DIAPH3: variants seen among roughly 807,000 people sequenced by gnomAD.
DIAPH3 encodes protein diaphanous homolog 3.
A neutral mutation model predicts 144.3 loss-of-function variants in DIAPH3; 117 were observed. The ratio of observed to expected loss-of-function variants is 0.81; its 90% confidence interval spans 0.70 to 0.95. The LOEUF (loss-of-function observed/expected upper bound fraction) is 0.95, where lower values mean the gene tolerates loss of function less well. Ranked by LOEUF, DIAPH3 falls within the 40% of genes least tolerant of loss-of-function variation. The probability of loss-of-function intolerance (pLI) is 0.00; values close to 1 mark genes in which losing one functional copy is unlikely to be tolerated. For synonymous variants in DIAPH3, 519 were observed against 488.9 expected (o/e 1.06, Z -0.81); for missense variants, 1,421 against 1,412.7 (o/e 1.01, Z -0.09).
chr13:59,967,169 C>T (rs528204041), intron 17 of DIAPH3, among the ~76,000 whole-genome samples: 17 of 151,964 alleles, frequency 1.1e-4, no homozygotes, highest in African/African-American at 3.1e-4. Flanking sequence ...CAGGTTCAAG[C>T]GATTCTCATG....
intron 1 of DIAPH3, among the ~76,000 whole-genome samples, chr13:60,157,730 G>C (rs1294420158): frequency 6.6e-6 from 1 of 152,150 alleles, no homozygotes; most frequent in Non-Finnish European, 1.5e-5. Flanking sequence ...CTTCTGAGAA[G>C]TATTGCTTTT....
chr13:60,139,005 T>C (rs968036417), intron 1 of DIAPH3, among the ~76,000 whole-genome samples: 1 of 152,198 alleles, frequency 6.6e-6, no homozygotes, highest in African/African-American at 2.4e-5. Flanking sequence ...TGATAACATT[T>C]CTAGCCCACA....
At chr13:59,816,345 T>A (rs1156616298) in intron 24 of DIAPH3, among the ~76,000 whole-genome samples, 1 of 151,966 alleles carries the variant, frequency 6.6e-6, no homozygotes. Flanking sequence ...CTATTCATGC[T>A]TTCTATTTCT....
chr13:59,825,152 G>T (rs1368532221), intron 24 of DIAPH3, among the ~76,000 whole-genome samples: 1 of 151,764 alleles, frequency 6.6e-6, no homozygotes, highest in African/African-American at 2.4e-5. Flanking sequence ...TCGTCATTTA[G>T]CATTAGGTAT....
chr13:59,796,100 C>A (rs1047138074), intron 25 of DIAPH3, among the ~76,000 whole-genome samples: 4 of 152,248 alleles, frequency 2.6e-5, no homozygotes, highest in Middle Eastern at 6.8e-3. Flanking sequence ...CCTATTCCTG[C>A]GGATAACTGA....
At chr13:59,798,070 T>C (rs2039705919) in intron 25 of DIAPH3, among the ~76,000 whole-genome samples, 1 of 152,140 alleles carries the variant, frequency 6.6e-6, no homozygotes, top group Admixed American at 6.5e-5. Context: ...TCATGAAGTA[T>C]TCTCCCTGTC....
intron 22 of DIAPH3, among the ~76,000 whole-genome samples, chr13:59,859,505 C>T (rs182542758): frequency 6.6e-6 from 1 of 152,148 alleles, no homozygotes; most frequent in Admixed American, 6.5e-5. Context: ...ACAGCAAAAC[C>T]TGCTAAACAA....
chr13:59,951,540 A>G lies in DIAPH3; in HGVS notation c.2074+18404T>C, dbSNP rs575111241. Among the ~76,000 whole-genome samples, 5 of 152,274 alleles carry G rather than the reference A, an allele frequency of 3.3e-5. No individual in the cohort carries two copies. The East Asian group carries it at 9.6e-4, about 29-fold the overall frequency. On this transcript the variant is annotated intron_variant, in intron 17 of 27. Transcript: ENST00000400324. ...ATGTAAAATTGCAAGCTTCTCAGTC[A>G]TATTTATGAATCTTCTGCCATCATT...
intron 4 of DIAPH3, among the ~76,000 whole-genome samples, chr13:60,075,207 G>C (rs759995068): frequency 6.6e-6 from 1 of 152,092 alleles, no homozygotes; most frequent in Non-Finnish European, 1.5e-5. Context: ...TTTTCATGTG[G>C]ATGTATGACA....
At chr13:59,717,139 G>GA (rs1335211527) in intron 27 of DIAPH3, among the ~76,000 whole-genome samples, 2 of 151,970 alleles carry the variant, frequency 1.3e-5, no homozygotes, top group Admixed American at 6.5e-5. Context: ...GTTGACATTA[G>GA]AAAAAAATTA....
At chr13:59,701,538 T>G (rs2034115991) in intron 27 of DIAPH3, among the ~76,000 whole-genome samples, 1 of 152,232 alleles carries the variant, frequency 6.6e-6, no homozygotes, top group Non-Finnish European at 1.5e-5. Context: ...AGGTCAGAGT[T>G]CATAGCTGAA....
rs150700659 is a variant in DIAPH3, at chr13:59,733,212, A to G, written c.3319+40977T>C. ...CTGAATTATAGGCAATTTTATCCAAAGGAGACTATTAAAAAGTGTTTAACA... is the reference window on the plus strand; with the variant it reads ...CTGAATTATAGGCAATTTTATCCAAGGGAGACTATTAAAAAGTGTTTAACA... On this transcript the variant is annotated intron_variant, in intron 27 of 27. Coordinates refer to ENST00000400324, the MANE Select transcript of DIAPH3 (RefSeq NM_001042517.2). Among the ~76,000 whole-genome samples the G allele has an allele frequency of 3.3e-3, 510 of 152,330 alleles. 2 individuals are homozygous for G. Among genetic ancestry groups the G allele is most frequent in the East Asian group, 0.016 (83 of 5,186 alleles).
chr13:60,146,841 T>C (rs1000914239), intron 1 of DIAPH3, among the ~76,000 whole-genome samples: 2 of 152,196 alleles, frequency 1.3e-5, no homozygotes, highest in African/African-American at 2.4e-5. Flanking sequence ...CAGCAGCTGA[T>C]AGCCACAGGT....
chr13:59,975,847 C>A (rs1344883552), intron 14 of DIAPH3, among the ~76,000 whole-genome samples: 1 of 151,966 alleles, frequency 6.6e-6, no homozygotes, highest in Non-Finnish European at 1.5e-5. Flanking sequence ...GCCACAGCAA[C>A]ACTACCATTC....
At chr13:60,063,682 T>G (rs2056852120) in intron 4 of DIAPH3, among the ~76,000 whole-genome samples, 1 of 152,160 alleles carries the variant, frequency 6.6e-6, no homozygotes, top group African/African-American at 2.4e-5. Flanking sequence ...ATCACAGCAC[T>G]TTGGGAGGCC....
At chr13:59,878,657 GA>G (rs375623541) in intron 21 of DIAPH3, among the ~76,000 whole-genome samples, 2 of 151,276 alleles carry the variant, frequency 1.3e-5, no homozygotes, top group African/African-American at 2.4e-5. Flanking sequence ...AGACACAGGA[GA>G]AAAAAAAGGC....
At chr13:59,877,294 T>A (rs1197194928) in intron 21 of DIAPH3, among the ~76,000 whole-genome samples, 1 of 152,088 alleles carries the variant, frequency 6.6e-6, no homozygotes, top group East Asian at 1.9e-4. Flanking sequence ...TTGACCTTTC[T>A]CTCTTCTCTG....
intron 20 of DIAPH3, among the ~76,000 whole-genome samples, chr13:59,890,206 A>G (rs2045702423): frequency 6.6e-6 from 1 of 152,052 alleles, no homozygotes; most frequent in African/African-American, 2.4e-5. Context: ...CTTTCTGCAC[A>G]ATTCCTTCCC....
chr13:60,011,166 C>G (rs981857714), intron 7 of DIAPH3, among the ~76,000 whole-genome samples: 3 of 151,828 alleles, frequency 2.0e-5, no homozygotes, highest in African/African-American at 7.3e-5. Context: ...AACCACAAAA[C>G]TAAACCAAAT....
Sources: gnomAD v4.1 joint callset for allele counts (sites outside exome capture counted in the v4.1 genomes callset) on GRCh38, gnomAD v4.1.1 for gene constraint, MANE v1.5 for transcripts, NCBI Gene and HGNC (gene_info 2026-07-23, HGNC 2026-07-21) for gene names.